Variants in NOS1 observed in about 807,000 individuals in gnomAD.
NOS1 encodes nitric oxide synthase 1.
NOS1 carries 51 observed loss-of-function variants against 164.5 expected under a neutral mutation model. That is an observed-to-expected ratio of 0.31 (90% CI 0.25 to 0.39). The LOEUF is 0.39. Among genes scored for constraint, NOS1 ranks in the 10% least tolerant of loss-of-function variants. The pLI is 1.00. For synonymous variants in NOS1, 719 were observed against 745.8 expected (o/e 0.96, Z 0.59); for missense variants, 1,362 against 1,885.6 (o/e 0.72, Z 5.14).
intron 1 of NOS1, among the ~76,000 whole-genome samples, chr12:117,336,731 GC>G (rs1875839571): frequency 6.6e-6 from 1 of 152,164 alleles, no homozygotes; most frequent in African/African-American, 2.4e-5. Context: ...TTGAAATTAT[GC>G]TGTTATGGAT....
intron 3 of NOS1, among the ~76,000 whole-genome samples, chr12:117,305,820 C>T (rs1298425045): frequency 1.3e-5 from 2 of 148,886 alleles, no homozygotes; most frequent in Non-Finnish European, 3.0e-5. Flanking sequence ...GAGGCGGAGT[C>T]TCACTCTCTT....
chr12:117,302,643 G>T (rs1566066987), intron 3 of NOS1, among the ~76,000 whole-genome samples: 1 of 151,282 alleles, frequency 6.6e-6, no homozygotes, highest in African/African-American at 2.4e-5. Flanking sequence ...AAGGTCACCA[G>T]CTTGGCGCTG....
rs1876852649 is a variant in NOS1, at chr12:117,356,402, T to C, written c.-421+5110A>G. ...GGCTATGGGCTTTGATGCTACCTCC[T>C]CTGAGAAGTCCTCCCTGATTCCTTC... is the stretch of plus-strand genomic sequence containing the variant. On this transcript the variant is annotated intron_variant, in intron 1 of 28. Transcript: ENST00000317775. The surrounding 1 kb of genome is among the most constrained non-coding windows in gnomAD (Gnocchi z 4.2). 6.6e-6 allele frequency among the ~76,000 whole-genome samples: 1 copy of C among 152,194 alleles called. No homozygotes were observed.
intron 10 of NOS1, among the ~76,000 whole-genome samples, chr12:117,269,682 G>T (rs1459408716): frequency 6.6e-6 from 1 of 152,008 alleles, no homozygotes; most frequent in Non-Finnish European, 1.5e-5. Context: ...TGGCCAGGAT[G>T]GTCTCGATCT....
intron 28 of NOS1, among the ~76,000 whole-genome samples, chr12:117,216,888 A>G (rs567931478): frequency 6.6e-6 from 1 of 152,286 alleles, no homozygotes; most frequent in African/African-American, 2.4e-5. Context: ...AGGGGAAAAC[A>G]AAGAAGATGC....
At chr12:117,354,835 G>C (rs1876787780) in intron 1 of NOS1, among the ~76,000 whole-genome samples, 1 of 152,202 alleles carries the variant, frequency 6.6e-6, no homozygotes, top group East Asian at 1.9e-4. Context: ...TGGGAGCTCA[G>C]GTTGTGTTTG....
At chr12:117,267,470 C>T (rs1872507272) in intron 11 of NOS1, among the ~76,000 whole-genome samples, 2 of 151,922 alleles carry the variant, frequency 1.3e-5, no homozygotes, top group South Asian at 4.2e-4. Flanking sequence ...ATCTGTAATC[C>T]CAGCTACTCA....
intron 12 of NOS1, among the ~76,000 whole-genome samples, chr12:117,264,312 G>T (rs2135985350): frequency 6.6e-6 from 1 of 152,114 alleles, no homozygotes; most frequent in East Asian, 1.9e-4. Flanking sequence ...TCACTCTGCT[G>T]CCCAGGCAGG....
chr12:117,317,889 T>C (rs1458335470), intron 2 of NOS1, among the ~76,000 whole-genome samples: 1 of 152,098 alleles, frequency 6.6e-6, no homozygotes, highest in East Asian at 1.9e-4. Context: ...TTCAGATTCC[T>C]GGCCCGGCAT....
At chr12:117,323,863 T>C (rs1843020) in intron 2 of NOS1, among the ~76,000 whole-genome samples, 64,277 of 151,706 alleles carry the variant, frequency 0.42, 13,868 homozygotes, top group Admixed American at 0.51. Flanking sequence ...CTCACTGCAA[T>C]CTCTGCCTCC....
chr12:117,220,533 G>C (rs1386230994), intron 26 of NOS1, among the ~76,000 whole-genome samples: 2 of 152,026 alleles, frequency 1.3e-5, no homozygotes, highest in African/African-American at 2.4e-5. Flanking sequence ...CAGGGAGCTG[G>C]ATAGACTGTT....
In NOS1 at chr12:117,263,575, CTATTATTATTATTATTATTATTATTAT is replaced by C. The variant is rs71099036; in HGVS notation, c.2222+287_2222+313del. On this transcript the variant is annotated intron_variant, in intron 13 of 28. Coordinates refer to ENST00000317775, the MANE Select transcript of NOS1 (RefSeq NM_000620.5). ...GGCAAACATGAAAATCAAGGTATTA[CTATTATTATTATTATTATTATTATTAT>C]TATTATTATTATTATTATTAGGAGG... 7.2e-3 allele frequency among the ~76,000 whole-genome samples: 1,015 copies of C among 141,898 alleles called. 15 individuals are homozygous for C. The highest frequency in any genetic ancestry group is 0.025 in the African/African-American group (958 of 38,150). 93.1% of individuals were successfully genotyped at this position (141,898 alleles called of 152,430 possible).
rs971034753 is a variant in NOS1, at chr12:117,213,647, A to T, written c.*1662T>A. 7.7e-5 allele frequency: 76 copies of T among 985,366 alleles called. No homozygotes were observed. Among genetic ancestry groups the T allele is most frequent in the Non-Finnish European group, 8.4e-5 (70 of 829,964 alleles). The allele number at this position is 985,366 out of a possible 1,614,324, so 61.0% of individuals were successfully genotyped here. The stretch of plus-strand genomic sequence containing the variant: ...TGCACTTCCTCTTTAGCAGACACCC[A>T]AACTGAACAACAAGATATGCCCACG... On this transcript the variant is annotated 3_prime_UTR_variant, in exon 29 of 29. Coordinates refer to ENST00000317775, the MANE Select transcript of NOS1 (RefSeq NM_000620.5).
chr12:117,288,296 C>T (rs1250773821), intron 4 of NOS1, 77 bp from the exon 5 acceptor site: 10 of 1,410,236 alleles, frequency 7.1e-6, no homozygotes, highest in African/African-American at 4.3e-5. Flanking sequence ...GCTTGGATCT[C>T]GTACTCATGG....
At chr12:117,262,582 G>C (rs1458645936) in intron 13 of NOS1, among the ~76,000 whole-genome samples, 1 of 151,546 alleles carries the variant, frequency 6.6e-6, no homozygotes, top group African/African-American at 2.4e-5. Context: ...CCTAGGTTTG[G>C]GTCCCTGCAA....
At chr12:117,326,708 A>G (rs564758642) in intron 2 of NOS1, among the ~76,000 whole-genome samples, 1 of 152,308 alleles carries the variant, frequency 6.6e-6, no homozygotes, top group Admixed American at 6.5e-5. Flanking sequence ...GAGCTGGGAA[A>G]ATAGGTCTGC....
At chr12:117,285,392 G>C in intron 6 of NOS1, 60 bp from the exon 7 acceptor site, 1 of 1,144,866 alleles carries the variant, frequency 8.7e-7, no homozygotes, top group Non-Finnish European at 1.3e-6. Context: ...CTCCCCCAGC[G>C]CAATCTTCCC....
At position 117,259,042 on chromosome 12, in the gene NOS1, G is replaced by A; in HGVS notation, c.2456C>T (p.Pro819Leu). 6.2e-7 allele frequency: 1 copy of A among 1,613,516 alleles called. No homozygotes were observed. ...VVTSTFGNGDPPENGEKFGCA... is the reference protein window; with the variant it reads ...VVTSTFGNGDLPENGEKFGCA... ...TCATCTCACCTCCCCATTCTCAGGG[G>A]GATCTCCATTGCCAAAGGTGCTGGT... Residue 819 changes from proline (P) to leucine (L), a missense_variant, in exon 15 of 29, where the codon CCC (proline) becomes CTC (leucine). Physicochemically the swap from Pro to Leu is moderately conservative, Grantham distance 98 (BLOSUM62 -3). Transcript: ENST00000317775.
rs3741473 is a variant in NOS1 at position 117,215,001 on chromosome 12, C to T, written c.*308G>A. 4,903 of 1,141,644 alleles carry T rather than the reference C, an allele frequency of 4.3e-3. 351 individuals are homozygous for T. The East Asian group carries it at 0.16, about 37-fold the overall frequency. The allele number at this position is 1,141,644 out of a possible 1,614,324, so 70.7% of individuals were successfully genotyped here. On this transcript the variant is annotated 3_prime_UTR_variant, in exon 29 of 29. Transcript: ENST00000317775. ...ACCCCAGAGAAAAAAACCCCCACAG[C>T]GACGGCCATGTTCCAGTGGTTTCAT...
Sources: allele counts gnomAD v4.1 joint callset (sites outside exome capture counted in the v4.1 genomes callset), GRCh38; gene constraint gnomAD v4.1.1; non-coding constraint Gnocchi (gnomAD v3.1); transcripts MANE v1.5; gene names NCBI Gene and HGNC (gene_info 2026-07-23, HGNC 2026-07-21).